The following UIMC1 variants were observed in gnomAD, a reference collection of about 807,000 sequenced individuals.
The protein encoded by UIMC1 is ubiquitin interaction motif containing 1, also known as BRCA1-A complex subunit RAP80.
Under a neutral mutation model 84.9 loss-of-function variants are expected in UIMC1, and 42 were observed. The observed-to-expected ratio is 0.49, with a 90% CI of 0.39 to 0.64. The LOEUF is 0.64. Among genes scored for constraint, UIMC1 ranks in the 30% least tolerant of loss-of-function variants. The pLI is 0.00. For synonymous variants in UIMC1, 281 were observed against 293.0 expected, an observed-to-expected ratio of 0.96 and a Z score of 0.42; for missense variants, 825 against 847.6, an observed-to-expected ratio of 0.97 and a Z score of 0.33.
intron 4 of UIMC1, chr5:176,970,502 C>A: frequency 1.9e-6 from 1 of 525,214 alleles, no homozygotes. Context: ...ATAATTCTTT[C>A]AACCATGAAC....
chr5:176,929,137 C>T (rs1408574688), intron 10 of UIMC1, among the ~76,000 whole-genome samples: 1 of 151,630 alleles, frequency 6.6e-6, no homozygotes, highest in Non-Finnish European at 1.5e-5. Context: ...CACTTGTAGT[C>T]CCAGCTACTC....
At chr5:176,953,442 C>T (rs945345306) in intron 8 of UIMC1, among the ~76,000 whole-genome samples, 3 of 148,884 alleles carry the variant, frequency 2.0e-5, no homozygotes, top group Admixed American at 2.0e-4. Context: ...AAATACATTT[C>T]TAGAATTAAT....
intron 1 of UIMC1, among the ~76,000 whole-genome samples, chr5:176,992,731 G>T (rs144713937): frequency 6.6e-6 from 1 of 152,096 alleles, no homozygotes; most frequent in Non-Finnish European, 1.5e-5. Flanking sequence ...ACCTGAACCA[G>T]GGAGGTCAAA....
At chr5:176,966,983 TGA>T (rs1202887692) in intron 6 of UIMC1, among the ~76,000 whole-genome samples, 5 of 152,184 alleles carry the variant, frequency 3.3e-5, no homozygotes, top group African/African-American at 4.8e-5. Context: ...AAGACTACAC[TGA>T]GACGCCATTT....
chr5:176,955,824 T>A, intron 8 of UIMC1, 135 bp downstream of exon 8: 1 of 716,834 alleles, frequency 1.4e-6, no homozygotes, highest in Non-Finnish European at 2.3e-6. Context: ...CATACGAGTG[T>A]TGAGACATGT....
intron 10 of UIMC1, 106 bp from the exon 11 acceptor site, chr5:176,911,495 C>G (rs1760212413): frequency 1.5e-6 from 1 of 676,116 alleles, no homozygotes; most frequent in Admixed American, 3.9e-5. Context: ...AACCTTATCC[C>G]ACTGGAAGAA....
chr5:176,996,041 C>G (rs2149529603), intron 1 of UIMC1, among the ~76,000 whole-genome samples: 1 of 152,086 alleles, frequency 6.6e-6, no homozygotes, highest in Middle Eastern at 3.4e-3. Context: ...GGAAATAACC[C>G]ACATATCCAT....
chr5:176,926,637 A>AAACAAC (rs57287380), intron 10 of UIMC1, among the ~76,000 whole-genome samples: 37 of 151,532 alleles, frequency 2.4e-4, no homozygotes, highest in Non-Finnish European at 4.0e-4. Flanking sequence ...ACCCTGTCTC[A>AAACAAC]AACAACAACA....
At chr5:177,003,983 C>G (rs1159518639) in intron 1 of UIMC1, among the ~76,000 whole-genome samples, 1 of 152,152 alleles carries the variant, frequency 6.6e-6, no homozygotes, top group Non-Finnish European at 1.5e-5. Context: ...CATGTGCCAA[C>G]AAGCCCAGCT....
At chr5:177,006,155 G>A (rs979489047) in intron 1 of UIMC1, 18 of 152,250 alleles carry the variant, frequency 1.2e-4, no homozygotes, top group African/African-American at 4.3e-4. Flanking sequence ...CCCGACGCCC[G>A]GGAGGATGCA....
intron 10 of UIMC1, among the ~76,000 whole-genome samples, chr5:176,932,598 G>A (rs912498231): frequency 6.6e-6 from 1 of 152,144 alleles, no homozygotes; most frequent in Non-Finnish European, 1.5e-5. Flanking sequence ...ATACTGGGAG[G>A]GAAAGTGCTT....
At chr5:176,939,212 G>A (rs1026913528) in intron 10 of UIMC1, among the ~76,000 whole-genome samples, 1 of 143,222 alleles carries the variant, frequency 7.0e-6, no homozygotes, top group African/African-American at 2.6e-5. Flanking sequence ...AGCCGTAATT[G>A]TATCACTGTA....
At position 176,970,732 on chromosome 5, in the gene UIMC1, G is replaced by T. The variant is rs754646475; in HGVS notation, c.357+10C>A. 2.5e-6 allele frequency: 4 copies of T among 1,613,890 alleles called. No individual in the cohort carries two copies. The Admixed American group carries it at 6.7e-5, about 27-fold the overall frequency. On this transcript the variant is annotated intron_variant, in intron 4 of 14. Coordinates refer to ENST00000511320, the MANE Select transcript of UIMC1 (RefSeq NM_001199298.2). ...AATCTCCACAAACTTTTGCAACATG[G>T]CATATTTACATTCAGGCTTTCAGCA...
At chr5:177,015,933 G>C (rs769199598) in intron 1 of UIMC1, among the ~76,000 whole-genome samples, 2 of 152,038 alleles carry the variant, frequency 1.3e-5, no homozygotes, top group African/African-American at 2.4e-5. Flanking sequence ...AGCCAGACGT[G>C]GTGGCGCACA....
Position 176,970,684 on chromosome 5 carries a change from A to C in UIMC1, c.357+58T>G, listed in dbSNP as rs994498998. The C allele has an allele frequency of 2.5e-6, 4 of 1,612,456 alleles. No individual in the cohort carries two copies. The African/African-American group carries it at 5.3e-5, about 22-fold the overall frequency. On this transcript the variant is annotated intron_variant, in intron 4 of 14. Transcript: ENST00000511320. Reference sequence around the variant, plus strand: ...GTTCCTAATGCAACTACAACACCACAGAAGTCAAAAATATAGCTGATCAAT... The same window carrying C: ...GTTCCTAATGCAACTACAACACCACCGAAGTCAAAAATATAGCTGATCAAT...
Position 176,907,459 on chromosome 5 carries a change from G to A in UIMC1, c.1849-282C>T, listed in dbSNP as rs189744324. Among the ~76,000 whole-genome samples the A allele has an allele frequency of 1.1e-3, 165 of 152,318 alleles. 2 individuals carry two copies. Among genetic ancestry groups the A allele is most frequent in the African/African-American group, 3.7e-3 (154 of 41,578 alleles). On this transcript the variant is annotated intron_variant, in intron 12 of 14. Transcript: ENST00000511320. ...ATCCCAGAATAAACTGGCTGTATAA[G>A]TAAGTGCTTACCTATAAACCATAAC...
intron 9 of UIMC1, among the ~76,000 whole-genome samples, chr5:176,947,461 C>A (rs1430121196): frequency 6.6e-6 from 1 of 152,168 alleles, no homozygotes; most frequent in Non-Finnish European, 1.5e-5. Flanking sequence ...TCATCATTTA[C>A]ATTAGGTGTA....
At chr5:177,002,567 C>T (rs1179561011) in intron 1 of UIMC1, among the ~76,000 whole-genome samples, 4 of 152,078 alleles carry the variant, frequency 2.6e-5, no homozygotes, top group African/African-American at 7.2e-5. Flanking sequence ...TTTGGGAGGC[C>T]GAGGCAGGTG....
intron 10 of UIMC1, among the ~76,000 whole-genome samples, chr5:176,912,474 GTTTTTTTT>G (rs57570046): frequency 7.7e-6 from 1 of 130,146 alleles, no homozygotes; most frequent in Non-Finnish European, 1.6e-5. Context: ...ACTGTTTTTT[GTTTTTTTT>G]TTTTTTTGAG....
Sources: allele counts gnomAD v4.1 joint callset (sites outside exome capture counted in the v4.1 genomes callset), GRCh38; gene constraint gnomAD v4.1.1; transcripts MANE v1.5; gene names NCBI Gene and HGNC (gene_info 2026-07-23, HGNC 2026-07-21).